The following DRC9 variants were observed in gnomAD, a reference collection of about 807,000 sequenced individuals.
The protein encoded by DRC9 is dynein regulatory complex subunit 9, also known as dynein regulatory complex protein 9.
the DRC9 span, chr3:197,913,938 A>G: frequency 6.2e-7 from 1 of 1,614,052 alleles, no homozygotes; most frequent in Admixed American, 1.7e-5. Flanking sequence ...GGGTCTGGGC[A>G]ATCTGCAGCT....
At chr3:197,892,559 C>T in the DRC9 span, 1 of 1,580,608 alleles carries the variant, frequency 6.3e-7, no homozygotes, top group Non-Finnish European at 8.6e-7. Flanking sequence ...ATTCCTTCCA[C>T]TCCCTCCTCA....
the DRC9 span, among the ~76,000 whole-genome samples, chr3:197,899,550 C>A: frequency 3.9e-5 from 6 of 151,998 alleles, no homozygotes; most frequent in African/African-American, 1.5e-4. Context: ...AGTGAGAACC[C>A]CTGTCTCAAA....
At chr3:197,892,388 C>T in the DRC9 span, among the ~76,000 whole-genome samples, 1 of 152,304 alleles carries the variant, frequency 6.6e-6, no homozygotes, top group East Asian at 1.9e-4. Context: ...CTGCAGCTGT[C>T]CCCGTCAGCA....
At chr3:197,913,528 GA>G in the DRC9 span, 2 of 416,782 alleles carry the variant, frequency 4.8e-6, no homozygotes, top group Non-Finnish European at 8.9e-6. Flanking sequence ...TTAGATGAAA[GA>G]AACAGCAGCA....
the DRC9 span, chr3:197,955,875 G>C: frequency 8.9e-6 from 9 of 1,009,930 alleles, no homozygotes; most frequent in Non-Finnish European, 1.4e-5. Context: ...TGCTTAAAAT[G>C]ATAGAGGTTG....
chr3:197,893,480 G>A, the DRC9 span, among the ~76,000 whole-genome samples: 10 of 151,900 alleles, frequency 6.6e-5, no homozygotes, highest in African/African-American at 2.2e-4. Context: ...GAATAGCATC[G>A]GATCTCTCTT....
the DRC9 span, chr3:197,958,354 T>C: frequency 9.9e-5 from 15 of 152,238 alleles, no homozygotes; most frequent in Admixed American, 7.9e-4. Context: ...CAAATCCCAA[T>C]GGCATCCCAG....
chr3:197,897,668 A>G, the DRC9 span, among the ~76,000 whole-genome samples: 4 of 152,198 alleles, frequency 2.6e-5, no homozygotes, highest in Non-Finnish European at 5.9e-5. Flanking sequence ...ATTGTCTGTA[A>G]CAGAGATTGC....
the DRC9 span, among the ~76,000 whole-genome samples, chr3:197,942,911 A>T: frequency 6.6e-6 from 1 of 151,760 alleles, no homozygotes; most frequent in Non-Finnish European, 1.5e-5. Flanking sequence ...AAAAAAAAAA[A>T]GTATCTTCTG....
the DRC9 span, among the ~76,000 whole-genome samples, chr3:197,941,581 A>C: frequency 8.4e-6 from 1 of 119,376 alleles, no homozygotes; most frequent in Non-Finnish European, 1.6e-5. Context: ...TTTCTCTTTC[A>C]ACAAGGTCTC....
chr3:197,950,102 G>C, the DRC9 span: 3 of 1,230,440 alleles, frequency 2.4e-6, no homozygotes, highest in Non-Finnish European at 3.0e-6. Context: ...TCCGAGGATT[G>C]TTTTTCTGGC....
At chr3:197,908,642 C>T in the DRC9 span, among the ~76,000 whole-genome samples, 4 of 142,302 alleles carry the variant, frequency 2.8e-5, no homozygotes, top group African/African-American at 1.1e-4. Flanking sequence ...GTGACTGTAC[C>T]AGGTCTGAAG....
chr3:197,922,747 T>TAA, the DRC9 span, among the ~76,000 whole-genome samples: 35,903 of 145,484 alleles, frequency 0.25, 5,250 homozygotes, highest in African/African-American at 0.45. Context: ...TAAATAAATA[T>TAA]CTTCTATTTT....
chr3:197,919,874 A>G, the DRC9 span, among the ~76,000 whole-genome samples: 1 of 152,136 alleles, frequency 6.6e-6, no homozygotes, highest in South Asian at 2.1e-4. Context: ...TAAAGAGACA[A>G]AAGCCACAGG....
chr3:197,889,447 A>T, the DRC9 span: 12 of 1,027,976 alleles, frequency 1.2e-5, no homozygotes, highest in African/African-American at 8.0e-5. Context: ...AAGTGAAATC[A>T]GGCTTCCCTG....
the DRC9 span, among the ~76,000 whole-genome samples, chr3:197,947,547 A>C: frequency 6.6e-6 from 1 of 152,052 alleles, no homozygotes; most frequent in Non-Finnish European, 1.5e-5. Context: ...GGGTCTTTGC[A>C]CCTGCTATTC....
the DRC9 span, among the ~76,000 whole-genome samples, chr3:197,952,034 G>A: frequency 6.6e-6 from 1 of 152,184 alleles, no homozygotes; most frequent in African/African-American, 2.4e-5. Context: ...AAGCAATAAA[G>A]GAGGTAATTC....
chr3:197,924,143 G>T, the DRC9 span, among the ~76,000 whole-genome samples: 1 of 152,014 alleles, frequency 6.6e-6, no homozygotes, highest in East Asian at 2.0e-4. Context: ...ATCACCTGAG[G>T]TCAGGAGTTT....
the DRC9 span, among the ~76,000 whole-genome samples, chr3:197,912,263 C>T: frequency 6.6e-6 from 1 of 152,046 alleles, no homozygotes; most frequent in African/African-American, 2.4e-5. Context: ...TGGTCCCAAA[C>T]TCCTGAACTC....
Sources: gnomAD v4.1 joint callset for allele counts (sites outside exome capture counted in the v4.1 genomes callset) on GRCh38, gnomAD v4.1.1 for gene constraint, MANE v1.5 for transcripts, NCBI Gene and HGNC (gene_info 2026-07-23, HGNC 2026-07-21) for gene names.